The following CNTNAP4 variants were observed in gnomAD, a reference collection of about 807,000 sequenced individuals.
CNTNAP4 encodes contactin associated protein family member 4, also known as contactin-associated protein-like 4.
CNTNAP4 carries 98 observed loss-of-function variants against 148.4 expected under a neutral mutation model. The observed-to-expected ratio is 0.66, with a 90% CI of 0.56 to 0.78. The LOEUF is 0.78. Ranked by LOEUF, CNTNAP4 falls within the 30% of genes least tolerant of loss-of-function variation. The pLI is 0.00. For missense variants in CNTNAP4, 1,935 were observed against 1,565.6 expected, an observed-to-expected ratio of 1.24 and a Z score of -3.98; for synonymous variants, 730 against 565.1, an observed-to-expected ratio of 1.29 and a Z score of -4.14.
chr16:76,291,837 G>A (rs556668716), intron 1 of CNTNAP4, among the ~76,000 whole-genome samples: 3 of 152,322 alleles, frequency 2.0e-5, no homozygotes, highest in South Asian at 4.1e-4. Context: ...AACTGGGACA[G>A]ATGCTTGCCA....
chr16:76,379,306 A>G (rs2015735968), intron 3 of CNTNAP4, among the ~76,000 whole-genome samples: 1 of 152,172 alleles, frequency 6.6e-6, no homozygotes, highest in Admixed American at 6.5e-5. Flanking sequence ...GATTCACAGA[A>G]ACTCTTATAT....
At position 76,456,332 on chromosome 16, in the gene CNTNAP4, G is replaced by A. The variant is rs371877456; in HGVS notation, c.1333+3563G>A. On this transcript the variant is annotated intron_variant, in intron 8 of 23. Coordinates refer to ENST00000611870, the MANE Select transcript of CNTNAP4 (RefSeq NM_033401.5). ...ATTGCTGTAGACTAAATGCTGTCAC[G>A]AAGTGAGGGTAATTCTATGATTAAA... 8.6e-4 allele frequency among the ~76,000 whole-genome samples: 131 copies of A among 152,316 alleles called. 1 individual carries two copies. The highest frequency in any genetic ancestry group is 4.6e-3 in the South Asian group (22 of 4,824).
chr16:76,474,065 A>G (rs374752037), intron 10 of CNTNAP4, among the ~76,000 whole-genome samples: 53 of 152,248 alleles, frequency 3.5e-4, no homozygotes, highest in African/African-American at 1.2e-3. Flanking sequence ...TAACACTTTG[A>G]TTTTATAAGG....
chr16:76,394,932 T>G (rs1285954692), intron 3 of CNTNAP4, among the ~76,000 whole-genome samples: 3 of 152,130 alleles, frequency 2.0e-5, no homozygotes, highest in Non-Finnish European at 4.4e-5. Context: ...GCTCTGTGAC[T>G]CCTCTTTTAC....
rs367814571 is a variant in CNTNAP4, at chr16:76,494,896, C to T, written c.2081-14C>T. On this transcript the variant is annotated splice_polypyrimidine_tract_variant and intron_variant, in intron 13 of 23. Coordinates refer to ENST00000611870, the MANE Select transcript of CNTNAP4 (RefSeq NM_033401.5). ...CATAAAACAGATGTCACATTTTTCA[C>T]GTTTTTCTTTCAGATGGAACCCCTC... The T allele has an allele frequency of 5.3e-5, 85 of 1,608,990 alleles. No homozygotes were observed. In the East Asian group the frequency reaches 8.5e-4, roughly 16 times the overall value.
intron 1 of CNTNAP4, among the ~76,000 whole-genome samples, chr16:76,286,602 G>T (rs1958897225): frequency 6.6e-6 from 1 of 152,094 alleles, no homozygotes; most frequent in Non-Finnish European, 1.5e-5. Flanking sequence ...TGTTGGGAGA[G>T]ATTTTGGCTT....
chr16:76,417,492 C>T (rs114319271), intron 3 of CNTNAP4, among the ~76,000 whole-genome samples: 327 of 151,474 alleles, frequency 2.2e-3, no homozygotes, highest in African/African-American at 7.5e-3. Context: ...TTCTCCCTTA[C>T]GTACCTGACA....
Position 76,522,021 on chromosome 16 carries a change from T to C in CNTNAP4, c.2537-18T>C. On this transcript the variant is annotated intron_variant, in intron 16 of 23. Coordinates refer to ENST00000611870, the MANE Select transcript of CNTNAP4 (RefSeq NM_033401.5). The stretch of plus-strand genomic sequence containing the variant: ...CATAGGAACTCACTAGAACAATCTT[T>C]ATGTGTAATATTTCCAGCTCCGACA... The C allele has an allele frequency of 6.2e-7, 1 of 1,612,008 alleles. No homozygotes were observed. Among genetic ancestry groups the C allele is most frequent in the Non-Finnish European group, 8.5e-7 (1 of 1,178,060 alleles).
chr16:76,312,284 G>C (rs1961210945), intron 1 of CNTNAP4, among the ~76,000 whole-genome samples: 3 of 152,290 alleles, frequency 2.0e-5, no homozygotes, highest in Non-Finnish European at 1.5e-5. Flanking sequence ...AGTGTCTTCA[G>C]ATATTGCTGA....
At chr16:76,408,513 T>A (rs7193036) in intron 3 of CNTNAP4, among the ~76,000 whole-genome samples, 54,079 of 150,782 alleles carry the variant, frequency 0.36, 11,100 homozygotes, top group Non-Finnish European at 0.44. Flanking sequence ...CCCCATGGCC[T>A]TTTCTCCCCC....
chr16:76,502,437 A>G (rs2082688566), intron 15 of CNTNAP4, among the ~76,000 whole-genome samples: 1 of 150,672 alleles, frequency 6.6e-6, no homozygotes. Context: ...CAGATAGAGG[A>G]TCATGCACGG....
chr16:76,447,873 C>A, intron 4 of CNTNAP4, 139 bp from the exon 5 acceptor site: 1 of 620,850 alleles, frequency 1.6e-6, no homozygotes, highest in Non-Finnish European at 2.9e-6. Flanking sequence ...GGATATAACT[C>A]CATCATTAGT....
intron 1 of CNTNAP4, among the ~76,000 whole-genome samples, chr16:76,290,569 C>T (rs1959073116): frequency 6.6e-6 from 1 of 152,126 alleles, no homozygotes; most frequent in African/African-American, 2.4e-5. Flanking sequence ...TTCACTTCCT[C>T]TAAATTCCTT....
intron 1 of CNTNAP4, 36 bp downstream of exon 1, chr16:76,277,783 G>A: frequency 1.5e-6 from 2 of 1,293,866 alleles, no homozygotes; most frequent in Non-Finnish European, 2.2e-6. Context: ...ACTTGCTGGG[G>A]GGCTCTCTGC....
chr16:76,308,594 C>G (rs1247995767), intron 1 of CNTNAP4, among the ~76,000 whole-genome samples: 3 of 152,144 alleles, frequency 2.0e-5, no homozygotes, highest in African/African-American at 7.2e-5. Context: ...GTATGGAAAG[C>G]ATAAGGACAT....
Position 76,393,692 on chromosome 16 carries a change from A to T in CNTNAP4, c.391-33760A>T, listed in dbSNP as rs189018758. On this transcript the variant is annotated intron_variant, in intron 3 of 23. Transcript: ENST00000611870. ...GGATGAAGACATTCCTGGCAGAAAA[A>T]AAAAAAATTGAAAGACTCCCATTGT... Among the ~76,000 whole-genome samples the T allele has an allele frequency of 2.0e-3, 311 of 152,034 alleles. 1 individual carries two copies. The highest frequency in any genetic ancestry group is 7.2e-3 in the African/African-American group (296 of 41,396).
intron 10 of CNTNAP4, among the ~76,000 whole-genome samples, chr16:76,472,357 A>G (rs527761831): frequency 5.3e-5 from 8 of 152,186 alleles, no homozygotes; most frequent in African/African-American, 1.9e-4. Context: ...AGAATCAAGA[A>G]AAATTGACTC....
intron 15 of CNTNAP4, among the ~76,000 whole-genome samples, chr16:76,520,569 T>C (rs2083416566): frequency 6.6e-6 from 1 of 152,184 alleles, no homozygotes. Context: ...TTCATGAGAA[T>C]GTCAGCTTGG....
intron 1 of CNTNAP4, chr16:76,309,972 G>A (rs1212203697): frequency 4.4e-6 from 3 of 683,730 alleles, no homozygotes; most frequent in African/African-American, 1.8e-5. Context: ...GCATGGAAAC[G>A]GACTAAAACA....
Sources: allele counts gnomAD v4.1 joint callset (sites outside exome capture counted in the v4.1 genomes callset), GRCh38; gene constraint gnomAD v4.1.1; transcripts MANE v1.5; gene names NCBI Gene and HGNC (gene_info 2026-07-23, HGNC 2026-07-21).